Variants in COL6A6 observed in about 807,000 individuals in gnomAD.
The protein encoded by COL6A6 is collagen alpha-6(VI) chain.
A neutral mutation model predicts 208.6 loss-of-function variants in COL6A6; 183 were observed. The observed-to-expected ratio is 0.88, with a 90% CI of 0.78 to 0.99. The LOEUF (loss-of-function observed/expected upper bound fraction) is 0.99. Among genes scored for constraint, COL6A6 ranks in the 50% least tolerant of loss-of-function variants. COL6A6 has a pLI of 0.00. For missense variants in COL6A6, 2,816 were observed against 2,815.2 expected (o/e 1.00, Z -0.01); for synonymous variants, 973 against 1,011.8 (o/e 0.96, Z 0.73).
chr3:130,599,843 T>C, intron 20 of COL6A6, 33 bp downstream of exon 20: 1 of 1,606,376 alleles, frequency 6.2e-7, no homozygotes, highest in South Asian at 1.1e-5. Context: ...AGACCCACTG[T>C]TTTGGTGGCT....
chr3:130,642,978 G>C lies in COL6A6; in HGVS notation c.5191-9G>C, dbSNP rs1453319096. On this transcript the variant is annotated splice_polypyrimidine_tract_variant and intron_variant, in intron 30 of 36. Coordinates refer to ENST00000358511, the MANE Select transcript of COL6A6 (RefSeq NM_001102608.3). ...GTTTAATTGTTTCTGTTTTATTTTC[G>C]AACTGCAGACATGTGAGCTCATTCA... 1 of 1,613,674 alleles carries C rather than the reference G, an allele frequency of 6.2e-7. No individual in the cohort carries two copies. The highest frequency in any genetic ancestry group is 8.5e-7 in the Non-Finnish European group (1 of 1,179,764).
intron 1 of COL6A6, among the ~76,000 whole-genome samples, chr3:130,534,909 T>G (rs573707665): frequency 6.6e-6 from 1 of 152,004 alleles, no homozygotes; most frequent in Non-Finnish European, 1.5e-5. Flanking sequence ...GAGTATTGGG[T>G]TTTTTCCTAC....
In COL6A6 at chr3:130,640,238, C is replaced by T. The variant is rs1410340222; in HGVS notation, c.5092-1414C>T. On this transcript the variant is annotated intron_variant, in intron 28 of 36. Transcript: ENST00000358511. Reference sequence around the variant, plus strand: ...ATAAAACACATTGGTTCTTGGCTTTCCCTGCTGCTGGCTTAGGATTCAACT... The same window carrying T: ...ATAAAACACATTGGTTCTTGGCTTTTCCTGCTGCTGGCTTAGGATTCAACT... Among the ~76,000 whole-genome samples, 3 of 152,320 alleles carry T rather than the reference C, an allele frequency of 2.0e-5. No individual in the cohort carries two copies. The South Asian group carries it at 6.2e-4, about 32-fold the overall frequency.
intron 24 of COL6A6, among the ~76,000 whole-genome samples, chr3:130,622,301 A>G (rs560775499): frequency 6.7e-6 from 1 of 149,434 alleles, no homozygotes; most frequent in South Asian, 2.1e-4. Flanking sequence ...GTTGGGCTGA[A>G]GAATCAGCTC....
chr3:130,637,863 C>T (rs956723789), intron 28 of COL6A6, among the ~76,000 whole-genome samples: 3 of 151,976 alleles, frequency 2.0e-5, no homozygotes, highest in Admixed American at 6.6e-5. Flanking sequence ...TAGTTTAAAG[C>T]AGGGTTTCTC....
rs760047155 is a variant in COL6A6, at chr3:130,665,112, T to A, written c.6596+16T>A. 5.1e-6 allele frequency: 8 copies of A among 1,561,950 alleles called. No individual in the cohort carries two copies. Among genetic ancestry groups the A allele is most frequent in the Admixed American group, 1.8e-5 (1 of 55,860 alleles). ...CATTCCGAAGGTACTGTCTGTTTGG[T>A]GTTACTTGATAAATGAGAATGCCCC... On this transcript the variant is annotated intron_variant, in intron 36 of 36. Coordinates refer to ENST00000358511, the MANE Select transcript of COL6A6 (RefSeq NM_001102608.3).
At chr3:130,585,838 A>G (rs546040055) in intron 10 of COL6A6, among the ~76,000 whole-genome samples, 1 of 152,382 alleles carries the variant, frequency 6.6e-6, no homozygotes, top group East Asian at 1.9e-4. Context: ...GTTAAAATAC[A>G]AATTCTGATT....
intron 10 of COL6A6, among the ~76,000 whole-genome samples, chr3:130,584,031 A>T (rs1337968070): frequency 6.6e-6 from 1 of 152,182 alleles, no homozygotes; most frequent in African/African-American, 2.4e-5. Flanking sequence ...AATGGGGCTT[A>T]AATTAATTAA....
intron 22 of COL6A6, among the ~76,000 whole-genome samples, chr3:130,609,523 G>A (rs1258101312): frequency 1.3e-5 from 2 of 152,144 alleles, no homozygotes; most frequent in African/African-American, 4.8e-5. Context: ...ATGAGGGGTT[G>A]CATGAGGGGT....
At chr3:130,608,389 G>T (rs1391820868) in intron 21 of COL6A6, among the ~76,000 whole-genome samples, 2 of 152,090 alleles carry the variant, frequency 1.3e-5, no homozygotes, top group Non-Finnish European at 2.9e-5. Context: ...CCTAATAGTT[G>T]CCTAAATTAT....
intron 1 of COL6A6, among the ~76,000 whole-genome samples, chr3:130,519,723 A>T (rs966113155): frequency 6.6e-6 from 1 of 152,130 alleles, no homozygotes; most frequent in African/African-American, 2.4e-5. Context: ...GTGTATGGGG[A>T]AAAAAACAAG....
intron 34 of COL6A6, among the ~76,000 whole-genome samples, chr3:130,659,904 C>T (rs1033582962): frequency 6.6e-6 from 1 of 152,160 alleles, no homozygotes; most frequent in African/African-American, 2.4e-5. Context: ...CTTCCCTCTG[C>T]TCCCCTCTAT....
chr3:130,641,472 G>T (rs2065306578), intron 28 of COL6A6, among the ~76,000 whole-genome samples, 180 bp from the exon 29 acceptor site: 1 of 152,138 alleles, frequency 6.6e-6, no homozygotes, highest in Admixed American at 6.5e-5. Flanking sequence ...GGGAAGAAGG[G>T]ATTGCTGGGA....
Position 130,658,726 on chromosome 3 carries a change from C to G in COL6A6, c.5784C>G (p.Asp1928Glu). The G allele has an allele frequency of 6.2e-7, 1 of 1,613,364 alleles. No individual in the cohort carries two copies. Among genetic ancestry groups the G allele is most frequent in the African/African-American group, 1.3e-5 (1 of 75,046 alleles). ...TAATAGTGGTTCCCTCCGGGGCCGA[C>G]TACATACCAGCATTAGAGAGACTCC... ...FQVIVVPSGA[D>E]YIPALERLQR... is the part of the protein sequence containing the mutation. The change falls in exon 34 of 37, where the codon GAC (aspartate) becomes GAG (glutamate). Residue 1928 changes from aspartate (D) to glutamate (E), a missense_variant. Physicochemically the swap from Asp to Glu is conservative, Grantham distance 45 (BLOSUM62 2). Transcript: ENST00000358511.
intron 1 of COL6A6, among the ~76,000 whole-genome samples, chr3:130,540,486 CCTT>C (rs1302074040): frequency 2.0e-5 from 3 of 152,190 alleles, no homozygotes; most frequent in African/African-American, 7.2e-5. Flanking sequence ...TGTGCTCTGC[CCTT>C]TTTTTCTTTT....
At chr3:130,675,164 G>A (rs1283549307) in intron 36 of COL6A6, 38 bp from the exon 37 acceptor site, 2 of 1,303,704 alleles carry the variant, frequency 1.5e-6, no homozygotes, top group Non-Finnish European at 2.1e-6. Flanking sequence ...AAGTTGAAAT[G>A]GCATTTATCT....
In COL6A6 at chr3:130,568,607, A is replaced by T. The variant is rs745416042; in HGVS notation, c.2401+3A>T. The T allele has an allele frequency of 5.7e-6, 9 of 1,590,476 alleles. No homozygotes were observed. The African/African-American group carries it at 1.2e-4, about 21-fold the overall frequency. ...TGGAATATGCAGCCCCCGTGAAGGT[A>T]GGCATGGGCATACTCACTAGCAGGA... On this transcript the variant is annotated splice_donor_region_variant and intron_variant, in intron 6 of 36. Transcript: ENST00000358511.
intron 1 of COL6A6, among the ~76,000 whole-genome samples, chr3:130,559,247 T>A (rs1458916060): frequency 6.6e-6 from 1 of 152,232 alleles, no homozygotes; most frequent in African/African-American, 2.4e-5. Flanking sequence ...ATGAAAAGGT[T>A]TGTACTACAC....
chr3:130,657,678 C>T (rs1298955792), intron 33 of COL6A6, among the ~76,000 whole-genome samples: 1 of 152,092 alleles, frequency 6.6e-6, no homozygotes, highest in Non-Finnish European at 1.5e-5. Context: ...CAGAGGTGTC[C>T]TCAGGCCAAA....
Sources: gnomAD v4.1 joint callset for allele counts (sites outside exome capture counted in the v4.1 genomes callset) on GRCh38, gnomAD v4.1.1 for gene constraint, MANE v1.5 for transcripts, NCBI Gene and HGNC (gene_info 2026-07-23, HGNC 2026-07-21) for gene names.